BMAL1: variants seen among roughly 807,000 people sequenced by gnomAD.
BMAL1 encodes basic helix-loop-helix ARNT like 1, also known as basic helix-loop-helix ARNT-like protein 1.
the BMAL1 span, among the ~76,000 whole-genome samples, chr11:13,342,659 ACAT>A: frequency 1.8e-4 from 27 of 152,316 alleles, no homozygotes; most frequent in East Asian, 4.8e-3. Context: ...CCCCCGAATA[ACAT>A]CATTACAATC....
the BMAL1 span, chr11:13,356,649 C>A: frequency 6.7e-7 from 1 of 1,483,256 alleles, no homozygotes; most frequent in Non-Finnish European, 9.2e-7. Context: ...TGTTTGGTTT[C>A]TGGATAAATG....
At chr11:13,323,063 C>CT in the BMAL1 span, among the ~76,000 whole-genome samples, 1 of 151,482 alleles carries the variant, frequency 6.6e-6, no homozygotes, top group Non-Finnish European at 1.5e-5. Context: ...TCCTAAAGTG[C>CT]TGGGATTATA....
the BMAL1 span, among the ~76,000 whole-genome samples, chr11:13,295,839 G>A: frequency 6.6e-6 from 1 of 152,196 alleles, no homozygotes; most frequent in Non-Finnish European, 1.5e-5. Context: ...CCTCCAGCAA[G>A]GATATTGGGC....
At chr11:13,357,070 A>G in the BMAL1 span, 9 of 1,614,224 alleles carry the variant, frequency 5.6e-6, no homozygotes, top group African/African-American at 1.3e-5. This position sits in a 1 kb window ranked among gnomAD's most constrained non-coding sequence, Gnocchi z 4.8. Flanking sequence ...AATATACAGA[A>G]CACCAAGGAA....
At chr11:13,376,854 G>T in the BMAL1 span, 2 of 816,384 alleles carry the variant, frequency 2.4e-6, no homozygotes, top group Non-Finnish European at 3.8e-6. Context: ...GCCTCGAGGG[G>T]ATGATGTGCG....
the BMAL1 span, among the ~76,000 whole-genome samples, chr11:13,331,069 C>T: frequency 9.9e-5 from 15 of 152,252 alleles, no homozygotes; most frequent in East Asian, 1.7e-3. Flanking sequence ...TGGGCTGGGG[C>T]GGCAGTCTCT....
At chr11:13,374,592 T>A in the BMAL1 span, among the ~76,000 whole-genome samples, 1 of 152,202 alleles carries the variant, frequency 6.6e-6, no homozygotes. Context: ...TGACCCCTTC[T>A]TTCACTGTGT....
chr11:13,290,960 T>C, the BMAL1 span, among the ~76,000 whole-genome samples: 1 of 152,230 alleles, frequency 6.6e-6, no homozygotes, highest in Non-Finnish European at 1.5e-5. Flanking sequence ...TTTTTCTTCA[T>C]AGCTTATGAC....
chr11:13,380,443 C>G, the BMAL1 span: 1 of 152,152 alleles, frequency 6.6e-6, no homozygotes, highest in Non-Finnish European at 1.5e-5. Flanking sequence ...AGCTGCAATG[C>G]CAAGTGATGG....
chr11:13,325,273 A>G, the BMAL1 span, among the ~76,000 whole-genome samples: 4 of 152,120 alleles, frequency 2.6e-5, no homozygotes, highest in Non-Finnish European at 5.9e-5. Flanking sequence ...CCATTTTTTA[A>G]TAAGAGAATA....
the BMAL1 span, chr11:13,366,841 G>A: frequency 7.2e-7 from 1 of 1,380,476 alleles, no homozygotes; most frequent in South Asian, 1.2e-5. Context: ...AGCCAACCCT[G>A]AGTGAGCAGA....
At chr11:13,370,806 TCAAAATATTTAACGTGA>T in the BMAL1 span, among the ~76,000 whole-genome samples, 798 of 152,190 alleles carry the variant, frequency 5.2e-3, 1 homozygote, top group African/African-American at 7.6e-3. Flanking sequence ...GAAGAAAAGC[TCAAAATATTTAACGTGA>T]CCATGCAGCC....
the BMAL1 span, among the ~76,000 whole-genome samples, chr11:13,314,124 G>C: frequency 1.3e-5 from 2 of 151,920 alleles, no homozygotes; most frequent in African/African-American, 4.8e-5. Context: ...CCTTCCTCCT[G>C]GCTCCCAGAA....
At chr11:13,369,569 A>G in the BMAL1 span, 1 of 1,608,324 alleles carries the variant, frequency 6.2e-7, no homozygotes, top group Non-Finnish European at 8.5e-7. Context: ...CCCCCTCCTG[A>G]CAGACAACAC....
chr11:13,360,749 C>A, the BMAL1 span, among the ~76,000 whole-genome samples: 1 of 152,144 alleles, frequency 6.6e-6, no homozygotes, highest in Admixed American at 6.5e-5. Flanking sequence ...GGACTGAAAC[C>A]AACAACAATT....
At chr11:13,341,335 G>C in the BMAL1 span, among the ~76,000 whole-genome samples, 1 of 152,164 alleles carries the variant, frequency 6.6e-6, no homozygotes, top group Non-Finnish European at 1.5e-5. Context: ...TCTTTATTGT[G>C]GTGAAAGGTG....
chr11:13,385,159 GAGT>G, the BMAL1 span, among the ~76,000 whole-genome samples: 1 of 152,178 alleles, frequency 6.6e-6, no homozygotes. Flanking sequence ...TTCTCTTACT[GAGT>G]AGTAGTAATA....
At chr11:13,303,616 G>C in the BMAL1 span, among the ~76,000 whole-genome samples, 1 of 152,342 alleles carries the variant, frequency 6.6e-6, no homozygotes, top group Admixed American at 6.5e-5. Context: ...CTTCCTTGCA[G>C]TCATCCAGGG....
the BMAL1 span, among the ~76,000 whole-genome samples, chr11:13,323,853 G>A: frequency 7.9e-5 from 12 of 152,302 alleles, no homozygotes; most frequent in African/African-American, 2.4e-4. Flanking sequence ...CTGACCTCAA[G>A]TGATCCACCC....
Sources: gnomAD v4.1 joint callset for allele counts (sites outside exome capture counted in the v4.1 genomes callset) on GRCh38, gnomAD v4.1.1 for gene constraint, Gnocchi (gnomAD v3.1) non-coding constraint, MANE v1.5 for transcripts, NCBI Gene and HGNC (gene_info 2026-07-23, HGNC 2026-07-21) for gene names.